DPYD: variants seen among roughly 807,000 people sequenced by gnomAD.
DPYD encodes dihydropyrimidine dehydrogenase [NADP(+)].
In DPYD, 109 loss-of-function variants were observed where a neutral mutation model predicts 116.2. The ratio of observed to expected loss-of-function variants is 0.94; its 90% CI spans 0.80 to 1.10. The LOEUF is 1.10. DPYD is among the 50% of genes least tolerant of loss of function. The pLI, the probability that DPYD is intolerant of heterozygous loss-of-function variation, is 0.00. For synonymous variants in DPYD, 440 were observed against 432.0 expected (o/e 1.02, Z -0.23); for missense variants, 1,302 against 1,254.5 (o/e 1.04, Z -0.57).
At chr1:97,201,782 T>A (rs1265594330) in intron 19 of DPYD, among the ~76,000 whole-genome samples, 1 of 152,160 alleles carries the variant, frequency 6.6e-6, no homozygotes, top group Non-Finnish European at 1.5e-5. Flanking sequence ...AGTGAGAGTT[T>A]CTAAGTAGTT....
intron 19 of DPYD, among the ~76,000 whole-genome samples, chr1:97,225,561 T>C (rs1482459321): frequency 1.6e-5 from 1 of 62,038 alleles, no homozygotes; most frequent in African/African-American, 7.5e-5. Flanking sequence ...AATCAGGTTG[T>C]TTTTTTTTTT....
chr1:97,126,582 G>T (rs920122617), intron 20 of DPYD, among the ~76,000 whole-genome samples: 4 of 152,072 alleles, frequency 2.6e-5, no homozygotes, highest in African/African-American at 4.8e-5. Context: ...GCCTTCTCCA[G>T]GAAGCACTCC....
intron 2 of DPYD, among the ~76,000 whole-genome samples, chr1:97,877,170 C>G (rs1272525032): frequency 6.6e-6 from 1 of 151,914 alleles, no homozygotes; most frequent in Non-Finnish European, 1.5e-5. Context: ...GTCATCTTTT[C>G]AAGAATGGCT....
At chr1:97,342,161 A>C (rs528391538) in intron 16 of DPYD, among the ~76,000 whole-genome samples, 8 of 152,316 alleles carry the variant, frequency 5.3e-5, no homozygotes, top group African/African-American at 1.9e-4. Context: ...GAAAATGTTA[A>C]GTGTGAAAAA....
intron 14 of DPYD, among the ~76,000 whole-genome samples, chr1:97,403,919 A>G (rs1298910077): frequency 6.6e-6 from 1 of 152,004 alleles, no homozygotes; most frequent in Non-Finnish European, 1.5e-5. Context: ...TTTTTAATAT[A>G]TGCACTCAAT....
At chr1:97,499,006 C>A (rs1376526338) in intron 13 of DPYD, among the ~76,000 whole-genome samples, 1 of 151,414 alleles carries the variant, frequency 6.6e-6, no homozygotes, top group Non-Finnish European at 1.5e-5. Flanking sequence ...TTTATGTAAA[C>A]CTTTATAACT....
chr1:97,720,029 C>G, intron 5 of DPYD: 1 of 984,980 alleles, frequency 1.0e-6, no homozygotes, highest in Non-Finnish European at 1.2e-6. Flanking sequence ...AGACTCTGCT[C>G]TGGGAATGAG....
At chr1:97,184,920 T>A (rs1657891770) in intron 20 of DPYD, among the ~76,000 whole-genome samples, 2 of 152,136 alleles carry the variant, frequency 1.3e-5, no homozygotes, top group Admixed American at 1.3e-4. Context: ...CAGTACAATA[T>A]TGAATAGAAG....
At chr1:97,288,659 C>A (rs570623770) in intron 18 of DPYD, among the ~76,000 whole-genome samples, 3 of 142,368 alleles carry the variant, frequency 2.1e-5, no homozygotes, top group South Asian at 2.6e-4. Flanking sequence ...ACACAACATA[C>A]CAGACTCTCT....
intron 10 of DPYD, among the ~76,000 whole-genome samples, chr1:97,578,054 C>A (rs1183618175): frequency 1.3e-5 from 2 of 151,984 alleles, no homozygotes; most frequent in Admixed American, 6.6e-5. Context: ...CTCTGTTGGC[C>A]AGGTTGGTCT....
chr1:97,697,326 A>T (rs1208513641), intron 6 of DPYD, among the ~76,000 whole-genome samples: 1 of 151,876 alleles, frequency 6.6e-6, no homozygotes, highest in Non-Finnish European at 1.5e-5. Context: ...GATGCAAAGG[A>T]GAAGGAAAGA....
chr1:97,180,647 G>T (rs1220688976), intron 20 of DPYD, among the ~76,000 whole-genome samples: 1 of 151,962 alleles, frequency 6.6e-6, no homozygotes, highest in Non-Finnish European at 1.5e-5. Context: ...AGCAACATCA[G>T]AATTAATCTG....
At chr1:97,442,966 A>G (rs1675881867) in intron 14 of DPYD, among the ~76,000 whole-genome samples, 1 of 152,194 alleles carries the variant, frequency 6.6e-6, no homozygotes, top group Non-Finnish European at 1.5e-5. Flanking sequence ...GTAGTGAATA[A>G]TTACCGTGTG....
intron 4 of DPYD, 84 bp from the exon 5 acceptor site, chr1:97,721,755 C>T: frequency 2.3e-6 from 3 of 1,303,832 alleles, no homozygotes; most frequent in Admixed American, 1.9e-5. Context: ...ATTTCTTCTA[C>T]TAGGTAATCA....
chr1:97,460,955 T>C (rs558490413), intron 13 of DPYD, among the ~76,000 whole-genome samples: 2 of 151,556 alleles, frequency 1.3e-5, no homozygotes, highest in Non-Finnish European at 2.9e-5. Flanking sequence ...GAGAATCACT[T>C]GAACCCGGGG....
At chr1:97,911,499 G>A (rs916047159) in intron 1 of DPYD, among the ~76,000 whole-genome samples, 2 of 151,916 alleles carry the variant, frequency 1.3e-5, no homozygotes, top group East Asian at 1.9e-4. Context: ...AGTATGTTTT[G>A]CTTCATTTAA....
chr1:97,872,120 C>T (rs538109911), intron 2 of DPYD, among the ~76,000 whole-genome samples: 3 of 151,990 alleles, frequency 2.0e-5, no homozygotes, highest in African/African-American at 7.2e-5. Flanking sequence ...CTTAACCAAA[C>T]TCTCTACTGA....
intron 19 of DPYD, among the ~76,000 whole-genome samples, chr1:97,230,708 G>C (rs988830386): frequency 6.6e-6 from 1 of 152,146 alleles, no homozygotes; most frequent in East Asian, 1.9e-4. Context: ...GAGCTAAAAG[G>C]CTGCAATGTG....
intron 22 of DPYD, among the ~76,000 whole-genome samples, chr1:97,080,047 C>T (rs1409500536): frequency 6.6e-6 from 1 of 151,950 alleles, no homozygotes; most frequent in East Asian, 1.9e-4. Flanking sequence ...TGTAAGACCT[C>T]AGCGGAAGTT....
Sources: allele counts gnomAD v4.1 joint callset (sites outside exome capture counted in the v4.1 genomes callset), GRCh38; gene constraint gnomAD v4.1.1; transcripts MANE v1.5; gene names NCBI Gene and HGNC (gene_info 2026-07-23, HGNC 2026-07-21).